ITGA1: variants seen among roughly 807,000 people sequenced by gnomAD.
ITGA1 encodes integrin subunit alpha 1, also known as integrin alpha-1.
In ITGA1, 85 loss-of-function variants were observed where a neutral mutation model predicts 145.9. The observed-to-expected ratio is 0.58, with a 90% CI of 0.49 to 0.70. The LOEUF (loss-of-function observed/expected upper bound fraction) is 0.70, where lower values mean the gene tolerates loss of function less well. ITGA1 is among the 30% of genes least tolerant of loss of function. The pLI is 0.00. For missense variants in ITGA1, 1,351 were observed against 1,418.7 expected, an observed-to-expected ratio of 0.95 and a Z score of 0.77; for synonymous variants, 520 against 495.3, an observed-to-expected ratio of 1.05 and a Z score of -0.66.
chr5:52,807,460 A>G (rs1748605885), intron 1 of ITGA1, among the ~76,000 whole-genome samples: 2 of 152,206 alleles, frequency 1.3e-5, no homozygotes, highest in East Asian at 3.8e-4. Context: ...CCAAAATAAC[A>G]GTTAGTGGGT....
At position 52,864,257 on chromosome 5, in the gene ITGA1, C is replaced by T. The variant is rs542294600; in HGVS notation, c.296-506C>T. On this transcript the variant is annotated intron_variant, in intron 3 of 28. Coordinates refer to ENST00000282588, the MANE Select transcript of ITGA1 (RefSeq NM_181501.2). ...TTCCTTTATCAAAACTTTCTGGACA[C>T]TGCTCTAATATTCCTCTAGTTTCCT... is the stretch of plus-strand genomic sequence containing the variant. 4.6e-5 allele frequency among the ~76,000 whole-genome samples: 7 copies of T among 152,300 alleles called. No homozygotes were observed. The South Asian group carries it at 1.5e-3, about 32-fold the overall frequency.
At chr5:52,849,271 T>G (rs1749388515) in intron 1 of ITGA1, 94 bp from the exon 2 acceptor site, 1 of 1,075,610 alleles carries the variant, frequency 9.3e-7, no homozygotes, top group East Asian at 2.5e-5. Flanking sequence ...TAGAAACAGC[T>G]TTCGATGGTA....
chr5:52,874,413 C>T (rs1749833381), intron 6 of ITGA1, among the ~76,000 whole-genome samples: 1 of 140,940 alleles, frequency 7.1e-6, no homozygotes. Context: ...TCGGTGGGGA[C>T]AAACCATATT....
At chr5:52,911,334 GTATATATAGTA>G (rs1237357002) in intron 14 of ITGA1, among the ~76,000 whole-genome samples, 1 of 132,904 alleles carries the variant, frequency 7.5e-6, no homozygotes, top group Non-Finnish European at 1.5e-5. Flanking sequence ...TGTATATAGT[GTATATATAGTA>G]TATAGTGTAT....
chr5:52,843,688 G>A (rs1321439861), intron 1 of ITGA1, among the ~76,000 whole-genome samples: 1 of 152,170 alleles, frequency 6.6e-6, no homozygotes, highest in African/African-American at 2.4e-5. Context: ...TTTGAGGATT[G>A]TTGTGAGCTG....
chr5:52,917,080 A>C (rs745628146), intron 15 of ITGA1, among the ~76,000 whole-genome samples: 1 of 152,202 alleles, frequency 6.6e-6, no homozygotes, highest in Non-Finnish European at 1.5e-5. Flanking sequence ...GTGAGAGTGG[A>C]TACAAGTGAC....
rs963575827 is a variant in ITGA1 at position 52,881,994 on chromosome 5, T to C, written c.746T>C (p.Met249Thr). 18 of 1,612,856 alleles carry C rather than the reference T, an allele frequency of 1.1e-5. No homozygotes were observed. Among genetic ancestry groups the C allele is most frequent in the Non-Finnish European group, 1.5e-5 (18 of 1,179,496 alleles). Residue 249 changes from methionine (M) to threonine (T), a missense_variant, in exon 7 of 29, where the codon ATG (methionine) becomes ACG (threonine). Coordinates refer to ENST00000282588, the MANE Select transcript of ITGA1 (RefSeq NM_181501.2). ...KIVQRGGRQTMTALGIDTARK... is the reference protein window; with the variant it reads ...KIVQRGGRQTTTALGIDTARK... ...GTCCAGAGAGGTGGCCGCCAGACTA[T>C]GACAGCTCTTGGAATAGACACAGCA...
rs757034979 is a variant in ITGA1 at position 52,910,329 on chromosome 5, C to T, written c.1767C>T (p.Ile589=). The part of the protein sequence containing the change: ...KDLNLDGFND[I]VIGAPLEDDH... ...TCAATCTTGATGGATTTAATGACAT[C>T]GTGATAGGAGCTCCGCTGGAAGATG... The change falls in exon 14 of 29, where the codon ATC becomes ATT. Residue 589 remains isoleucine (I), a synonymous_variant. Coordinates refer to ENST00000282588, the MANE Select transcript of ITGA1 (RefSeq NM_181501.2). 7 of 1,613,690 alleles carry T rather than the reference C, an allele frequency of 4.3e-6. No individual in the cohort carries two copies. The East Asian group carries it at 1.1e-4, about 26-fold the overall frequency.
Position 52,893,797 on chromosome 5 carries a change from C to T in ITGA1, c.1047C>T (p.Val349=), listed in dbSNP as rs764278908. The T allele has an allele frequency of 1.2e-6, 2 of 1,612,598 alleles. No homozygotes were observed. Among genetic ancestry groups the T allele is most frequent in the East Asian group, 4.5e-5 (2 of 44,778 alleles). ...FFNVSDELAL[V]TIVKTLGERI... ...ATGTCTCTGATGAATTGGCTCTAGT[C>T]ACCATTGTTAAAACTCTGGGAGAAA... The change falls in exon 9 of 29, where the codon GTC becomes GTT. Residue 349 remains valine (V), a synonymous_variant. Transcript: ENST00000282588.
At chr5:52,834,419 C>T (rs1749123074) in intron 1 of ITGA1, among the ~76,000 whole-genome samples, 1 of 150,312 alleles carries the variant, frequency 6.7e-6, no homozygotes, top group Non-Finnish European at 1.5e-5. Flanking sequence ...TCTCTGTGTA[C>T]ATAGTGGAGA....
At chr5:52,877,436 G>A (rs1749885563) in intron 6 of ITGA1, among the ~76,000 whole-genome samples, 1 of 152,166 alleles carries the variant, frequency 6.6e-6, no homozygotes, top group African/African-American at 2.4e-5. Context: ...ATAAAACAGG[G>A]ATGAGGCAGA....
At chr5:52,923,264 A>G (rs1316965994) in intron 18 of ITGA1, among the ~76,000 whole-genome samples, 1 of 152,184 alleles carries the variant, frequency 6.6e-6, no homozygotes, top group East Asian at 1.9e-4. Context: ...TTAGCATTAT[A>G]ATGACATGTT....
intron 6 of ITGA1, among the ~76,000 whole-genome samples, chr5:52,872,310 G>A (rs1034311635): frequency 2.6e-5 from 4 of 152,044 alleles, no homozygotes; most frequent in Non-Finnish European, 5.9e-5. Flanking sequence ...TACAGTTTCC[G>A]AATGTGGGGT....
intron 8 of ITGA1, 90 bp downstream of exon 8, chr5:52,888,055 C>A: frequency 7.4e-7 from 1 of 1,355,028 alleles, no homozygotes; most frequent in Non-Finnish European, 1.0e-6. Flanking sequence ...TCACACAAAC[C>A]AGGTTGGAAA....
intron 7 of ITGA1, among the ~76,000 whole-genome samples, chr5:52,883,139 T>C (rs2447862): frequency 0.2 from 30,110 of 152,140 alleles, 3,131 homozygotes; most frequent in South Asian, 0.28. Flanking sequence ...GGATCACCAA[T>C]TTGTATACAC....
Position 52,832,781 on chromosome 5 carries a change from G to GTGTGTGTGTGTC in ITGA1, c.62-16573_62-16572insCTGTGTGTGTGT, listed in dbSNP as rs1554042243. ...TATATAAATCTGTGTGTGTGTGTGT[G>GTGTGTGTGTGTC]TGTGTGTGTGTGTGTGTGTGTGTGT... On this transcript the variant is annotated intron_variant, in intron 1 of 28. Transcript: ENST00000282588. 4.2e-5 allele frequency among the ~76,000 whole-genome samples: 6 copies of GTGTGTGTGTGTC among 142,602 alleles called. No individual in the cohort carries two copies. The East Asian group carries it at 6.1e-4, about 14-fold the overall frequency. 93.6% of individuals were successfully genotyped at this position (142,602 alleles called of 152,430 possible).
intron 1 of ITGA1, among the ~76,000 whole-genome samples, chr5:52,826,482 A>AGCTACACT (rs1748964485): frequency 6.6e-6 from 1 of 152,276 alleles, no homozygotes. Context: ...TGGTAAAAGT[A>AGCTACACT]GCTACACTGA....
At chr5:52,800,455 G>A (rs774782233) in intron 1 of ITGA1, 2 of 1,613,972 alleles carry the variant, frequency 1.2e-6, no homozygotes, top group South Asian at 1.1e-5. Flanking sequence ...CCTGGTCCCC[G>A]AGGAGCCTGA....
At chr5:52,879,664 C>T (rs1203520162) in intron 6 of ITGA1, among the ~76,000 whole-genome samples, 1 of 152,122 alleles carries the variant, frequency 6.6e-6, no homozygotes, top group African/African-American at 2.4e-5. Flanking sequence ...ATAGATGTGT[C>T]TTTATCCACT....
Sources: gnomAD v4.1 joint callset for allele counts (sites outside exome capture counted in the v4.1 genomes callset) on GRCh38, gnomAD v4.1.1 for gene constraint, MANE v1.5 for transcripts, NCBI Gene and HGNC (gene_info 2026-07-23, HGNC 2026-07-21) for gene names.